SLC2A9: variants seen among roughly 807,000 people sequenced by gnomAD.
SLC2A9 encodes the protein solute carrier family 2, facilitated glucose transporter member 9.
In SLC2A9, 39 loss-of-function variants were observed where a neutral mutation model predicts 50.6. The observed-to-expected ratio is 0.77, with a 90% CI of 0.60 to 1.01. SLC2A9 has a LOEUF of 1.01. Ranked by LOEUF, SLC2A9 falls within the 50% of genes least tolerant of loss-of-function variation. The pLI is 0.00. For synonymous variants in SLC2A9, 324 were observed against 276.9 expected (o/e 1.17, Z -1.69); for missense variants, 686 against 677.6 (o/e 1.01, Z -0.14).
intron 2 of SLC2A9, among the ~76,000 whole-genome samples, chr4:9,997,704 G>T (rs1352202653): frequency 6.8e-6 from 1 of 147,768 alleles, no homozygotes; most frequent in Non-Finnish European, 1.5e-5. Context: ...TGTCTCAAAA[G>T]AAAAGTGGGG....
rs77759711 is a variant in SLC2A9 at position 9,804,787 on chromosome 4, C to T, written n.421-5546G>A. 4.0e-3 allele frequency among the ~76,000 whole-genome samples: 609 copies of T among 152,294 alleles called. 12 individuals carry two copies. In the East Asian group the frequency reaches 0.069, roughly 17 times the overall value. On this transcript the variant is annotated intron_variant and non_coding_transcript_variant, in intron 3 of 3. Transcript: ENST00000503280. ...GCTTTGAGGTAGTTTGATGCGGTTTCTAATTCCAGCTTCGCCACTTTGTTA... is the reference window on the plus strand; with the variant it reads ...GCTTTGAGGTAGTTTGATGCGGTTTTTAATTCCAGCTTCGCCACTTTGTTA...
At chr4:9,969,352 T>C (rs866100470) in intron 5 of SLC2A9, among the ~76,000 whole-genome samples, 1 of 152,232 alleles carries the variant, frequency 6.6e-6, no homozygotes, top group African/African-American at 2.4e-5. Context: ...TTTCTGGTTA[T>C]GGGGAACTTT....
intron 3 of SLC2A9, 32 bp downstream of exon 3, chr4:9,996,749 G>A (rs1212541722): frequency 1.2e-6 from 2 of 1,610,514 alleles, no homozygotes; most frequent in Admixed American, 1.7e-5. Flanking sequence ...AACATGGAGG[G>A]CACCCCCAGA....
chr4:9,929,909 G>A (rs1745601270), intron 6 of SLC2A9, among the ~76,000 whole-genome samples: 1 of 152,140 alleles, frequency 6.6e-6, no homozygotes, highest in African/African-American at 2.4e-5. Context: ...CTTCCTGGCT[G>A]CAGACACTGC....
intron 3 of SLC2A9, among the ~76,000 whole-genome samples, chr4:9,790,528 A>G (rs1395040382): frequency 5.9e-5 from 9 of 152,186 alleles, no homozygotes; most frequent in Non-Finnish European, 2.9e-5. Context: ...TGGGATGAGA[A>G]AGACTACAAA....
chr4:10,003,740 C>T (rs1264015717), intron 2 of SLC2A9, among the ~76,000 whole-genome samples: 1 of 152,220 alleles, frequency 6.6e-6, no homozygotes, highest in Non-Finnish European at 1.5e-5. Context: ...TATGGCAAAA[C>T]ATGACTGGTC....
At chr4:10,024,417 G>A (rs1370445382), upstream of SLC2A9, among the ~76,000 whole-genome samples, 3 of 152,138 alleles carry the variant, frequency 2.0e-5, no homozygotes, top group Non-Finnish European at 4.4e-5. Flanking sequence ...CAGTATGCCT[G>A]GTGTCCTTAT....
chr4:9,922,924 C>T (rs111433700), intron 6 of SLC2A9: 159 of 152,616 alleles, frequency 1.0e-3, no homozygotes, highest in African/African-American at 3.7e-3. Context: ...CCCAAGCGCA[C>T]CAGCCTTCTA....
rs1295080769 is a variant in SLC2A9 at position 9,898,934 on chromosome 4, A to G, written c.1114-8223T>C. 3.5e-5 allele frequency among the ~76,000 whole-genome samples: 5 copies of G among 141,412 alleles called. No individual in the cohort carries two copies. The Middle Eastern group carries it at 0.015, about 422-fold the overall frequency. The allele number at this position is 141,412 out of a possible 152,430, so 92.8% of individuals were successfully genotyped here. On this transcript the variant is annotated intron_variant, in intron 8 of 11. Transcript: ENST00000264784. ...AACCATTAATGGTATTGAATGCATGACAACTACTATGGCCATTTCTTTAAA... is the reference window on the plus strand; with the variant it reads ...AACCATTAATGGTATTGAATGCATGGCAACTACTATGGCCATTTCTTTAAA...
In SLC2A9 at chr4:10,036,850, A is replaced by G. The variant is rs1419267612; in HGVS notation, c.-41+3280T>C. The stretch of plus-strand genomic sequence containing the variant: ...ATCTCTTGATGCGTATTGATCTTTC[A>G]TGTTCCAAAAAGGATTCTAGTCCGG... On this transcript the variant is annotated intron_variant, in intron 1 of 12. Coordinates refer to the SLC2A9 transcript ENST00000309065. Among the ~76,000 whole-genome samples the G allele has an allele frequency of 2.6e-5, 4 of 152,302 alleles. No individual in the cohort carries two copies. In the East Asian group the frequency reaches 7.7e-4, roughly 29 times the overall value.
intron 10 of SLC2A9, among the ~76,000 whole-genome samples, chr4:9,885,142 C>A (rs1735949712): frequency 6.6e-6 from 1 of 152,118 alleles, no homozygotes; most frequent in Non-Finnish European, 1.5e-5. Context: ...ATGTAACAAA[C>A]CTGCGAGTCC....
intron 10 of SLC2A9, among the ~76,000 whole-genome samples, chr4:9,858,872 T>C (rs1185146054): frequency 1.3e-5 from 2 of 152,194 alleles, no homozygotes; most frequent in Non-Finnish European, 2.9e-5. Context: ...CAGGTGCCAG[T>C]GCTGCTAGAA....
At chr4:9,983,068 ATGTTGGTCAGGC>A (rs1756147457) in intron 4 of SLC2A9, among the ~76,000 whole-genome samples, 3 of 152,026 alleles carry the variant, frequency 2.0e-5, no homozygotes, top group Admixed American at 2.0e-4. Flanking sequence ...GGGTTTCTCC[ATGTTGGTCAGGC>A]TGCTCTCAAA....
At position 9,835,010 on chromosome 4, in the gene SLC2A9, T is replaced by A. The variant is rs754737688; in HGVS notation, c.1292-2A>T. On this transcript the variant is annotated splice_acceptor_variant, in intron 10 of 11. Coordinates refer to ENST00000264784, the MANE Select transcript of SLC2A9 (RefSeq NM_020041.3). LOFTEE classifies it high-confidence loss of function. ...CAGTCAAGATGAACGGGATGCCACCTGCAGTGTGTGAGCCAGGACATGGAA... is the reference window on the plus strand; with the variant it reads ...CAGTCAAGATGAACGGGATGCCACCAGCAGTGTGTGAGCCAGGACATGGAA... 2.5e-6 allele frequency: 4 copies of A among 1,613,010 alleles called. No individual in the cohort carries two copies. The Admixed American group carries it at 6.7e-5, about 27-fold the overall frequency.
intron 5 of SLC2A9, among the ~76,000 whole-genome samples, chr4:9,972,332 A>C (rs1754034293): frequency 6.6e-6 from 1 of 152,068 alleles, no homozygotes; most frequent in Non-Finnish European, 1.5e-5. Flanking sequence ...ATCTAAGTCT[A>C]TTTCTTCTTT....
intron 5 of SLC2A9, among the ~76,000 whole-genome samples, chr4:9,953,292 T>C (rs1004918042): frequency 7.2e-5 from 11 of 152,146 alleles, no homozygotes; most frequent in Admixed American, 6.5e-4. Flanking sequence ...TGAGGTAACA[T>C]CATTGGGCAG....
chr4:9,774,249 C>A (rs1192638508), intron 1 of SLC2A9, among the ~76,000 whole-genome samples: 1 of 152,040 alleles, frequency 6.6e-6, no homozygotes, highest in South Asian at 2.1e-4. Flanking sequence ...CCACCTCGGC[C>A]CCTAAAGTGC....
Position 9,985,793 on chromosome 4 carries a change from CCTGG to C in SLC2A9, c.411-4_411-1del. ...CATTATTGGCCAGCAAAGTGTGCTT[CCTGG>C]AAAGAAAGGAAAGATTTGATGAAGA... is the stretch of plus-strand genomic sequence containing the variant. On this transcript the variant is annotated splice_acceptor_variant and splice_polypyrimidine_tract_variant and intron_variant, in intron 3 of 11. Transcript: ENST00000264784. LOFTEE classifies it high-confidence loss of function. 6.2e-7 allele frequency: 1 copy of C among 1,613,994 alleles called. No homozygotes were observed. The highest frequency in any genetic ancestry group is 1.1e-5 in the South Asian group (1 of 91,074).
In SLC2A9 at chr4:10,021,304, C is replaced by T; in HGVS notation, c.126G>A (p.Gly42=). ...CCTTTCTTCTCCTTCCACCTGGCAC[C>T]CCACTCCTCAGGTGGTCACACTCCA... The part of the protein sequence containing the change: ...ALLECDHLRS[G]VPGGRRRKDW... The change falls in exon 1 of 12, where the codon GGG becomes GGA. Residue 42 remains glycine (G), a synonymous_variant. Coordinates refer to ENST00000264784, the MANE Select transcript of SLC2A9 (RefSeq NM_020041.3). The T allele has an allele frequency of 4.3e-6, 7 of 1,614,014 alleles. No homozygotes were observed. Among genetic ancestry groups the T allele is most frequent in the Non-Finnish European group, 5.9e-6 (7 of 1,180,054 alleles).
Sources: allele counts gnomAD v4.1 joint callset (sites outside exome capture counted in the v4.1 genomes callset), GRCh38; gene constraint gnomAD v4.1.1; transcripts MANE v1.5; gene names NCBI Gene and HGNC (gene_info 2026-07-23, HGNC 2026-07-21).